Variants in EFCAB6 observed in about 807,000 individuals in gnomAD.
EFCAB6 encodes EF-hand calcium-binding domain-containing protein 6.
A neutral mutation model predicts 169.8 loss-of-function variants in EFCAB6; 156 were observed. The ratio of observed to expected loss-of-function variants is 0.92; its 90% CI spans 0.81 to 1.05. EFCAB6 has a LOEUF of 1.05. EFCAB6 is among the 50% of genes least tolerant of loss of function. EFCAB6 has a pLI of 0.00. For synonymous variants in EFCAB6, 698 were observed against 676.4 expected (o/e 1.03, Z -0.50); for missense variants, 1,800 against 1,829.1 (o/e 0.98, Z 0.29).
chr22:43,727,537 C>A (rs543137318), intron 8 of EFCAB6, among the ~76,000 whole-genome samples: 5 of 152,184 alleles, frequency 3.3e-5, no homozygotes, highest in African/African-American at 1.2e-4. Flanking sequence ...GACAGGAAAT[C>A]TCAGTGGAAC....
chr22:43,590,410 T>C (rs75148567), intron 23 of EFCAB6, among the ~76,000 whole-genome samples, 181 bp from the exon 24 acceptor site: 1 of 141,800 alleles, frequency 7.1e-6, no homozygotes, highest in South Asian at 2.3e-4. Context: ...AAATATTATG[T>C]CTGTATCATT....
chr22:43,597,490 A>G (rs1487273999), intron 23 of EFCAB6, among the ~76,000 whole-genome samples: 1 of 152,232 alleles, frequency 6.6e-6, no homozygotes, highest in East Asian at 1.9e-4. Flanking sequence ...GAGGTATGTG[A>G]AAAATGCTCA....
intron 6 of EFCAB6, among the ~76,000 whole-genome samples, chr22:43,746,916 C>T (rs746564600): frequency 6.6e-6 from 1 of 152,250 alleles, no homozygotes; most frequent in Non-Finnish European, 1.5e-5. Context: ...AGCTCACTCA[C>T]AGGACAGAGC....
At chr22:43,557,941 GATAAAATGGT>G (rs1602246457) in intron 26 of EFCAB6, among the ~76,000 whole-genome samples, 1 of 152,142 alleles carries the variant, frequency 6.6e-6, no homozygotes, top group East Asian at 1.9e-4. Flanking sequence ...AGCTATTCCT[GATAAAATGGT>G]ATAAAATAGA....
chr22:43,707,674 G>C (rs1299754869), intron 10 of EFCAB6, among the ~76,000 whole-genome samples: 2 of 152,016 alleles, frequency 1.3e-5, no homozygotes, highest in Non-Finnish European at 2.9e-5. Context: ...TAAAGAGTAG[G>C]GCAAAATGAA....
Position 43,537,424 on chromosome 22 carries a change from T to A in EFCAB6, c.4001A>T (p.Glu1334Val), listed in dbSNP as rs767922873. The A allele has an allele frequency of 6.2e-7, 1 of 1,614,114 alleles. No individual in the cohort carries two copies. The highest frequency in any genetic ancestry group is 1.1e-5 in the South Asian group (1 of 91,070). Reference protein sequence around the residue: ...CWRQLLKECKEKDVARQGDIN... With the variant: ...CWRQLLKECKVKDVARQGDIN... ...GTCCCCCTGTCTGGCCACGTCCTTC[T>A]CCTTGCATTCTTTCAGGAGCTGGCG... Residue 1334 changes from glutamate to valine, a missense_variant, in exon 29 of 32, where the codon GAG (glutamate) becomes GTG (valine). Glu to Val is a moderately radical substitution (Grantham distance 121). Transcript: ENST00000262726. This position sits in a 1 kb window ranked among gnomAD's most constrained non-coding sequence, Gnocchi z 4.3.
chr22:43,702,750 C>T (rs1378542413), intron 10 of EFCAB6, among the ~76,000 whole-genome samples: 3 of 152,156 alleles, frequency 2.0e-5, no homozygotes, highest in Admixed American at 6.5e-5. Context: ...CATCTAACTG[C>T]ATATCACACC....
At chr22:43,579,602 G>GCAGGCATCATTCCCTA (rs1367388063) in intron 25 of EFCAB6, among the ~76,000 whole-genome samples, 62 of 54,460 alleles carry the variant, frequency 1.1e-3, no homozygotes, top group South Asian at 1.6e-3. Context: ...ATCATTCCCT[G>GCAGGCATCATTCCCTA]CATGCAGGCA....
At chr22:43,700,048 A>G (rs2058711316) in intron 10 of EFCAB6, among the ~76,000 whole-genome samples, 1 of 152,178 alleles carries the variant, frequency 6.6e-6, no homozygotes, top group African/African-American at 2.4e-5. Context: ...TTTTATTTTT[A>G]ACAGATTTAT....
Position 43,537,479 on chromosome 22 carries a change from T to C in EFCAB6, c.3946A>G (p.Arg1316Gly). 6.2e-7 allele frequency: 1 copy of C among 1,614,138 alleles called. No individual in the cohort carries two copies. Among genetic ancestry groups the C allele is most frequent in the Non-Finnish European group, 8.5e-7 (1 of 1,180,016 alleles). Residue 1316 changes from arginine (R) to glycine (G), a missense_variant, in exon 29 of 32, where the codon AGG (arginine) becomes GGG (glycine). Arg to Gly is a moderately radical substitution (Grantham distance 125, BLOSUM62 -2). Transcript: ENST00000262726. This position sits in a 1 kb window ranked among gnomAD's most constrained non-coding sequence, Gnocchi z 4.3. ...CAGCCCTGGATTCTCTTCCGGAGCC[T>C]GCTCTCTATGGGATCACAGTTCTGC... Reference protein sequence around the residue: ...PLQNCDPIESRLRKRIQGCWR... With the variant: ...PLQNCDPIESGLRKRIQGCWR...
At position 43,795,905 on chromosome 22, in the gene EFCAB6, T is replaced by TACACCACACAC. The variant is rs1214611202; in HGVS notation, c.-8+13079_-8+13089dup. On this transcript the variant is annotated intron_variant, in intron 2 of 31. Coordinates refer to ENST00000262726, the MANE Select transcript of EFCAB6 (RefSeq NM_022785.4). This position sits in a 1 kb window ranked among gnomAD's most constrained non-coding sequence, Gnocchi z 4.2. ...ACACACAATACACACTCACCACACA[T>TACACCACACAC]ACACCACACACACACACACCCCTTC... 4.2e-5 allele frequency among the ~76,000 whole-genome samples: 6 copies of TACACCACACAC among 143,230 alleles called. No homozygotes were observed. The highest frequency in any genetic ancestry group is 7.9e-5 in the African/African-American group (3 of 37,780). The allele number at this position is 143,230 out of a possible 152,430, so 94.0% of individuals were successfully genotyped here.
intron 3 of EFCAB6, among the ~76,000 whole-genome samples, chr22:43,776,141 G>A (rs1209433904): frequency 1.3e-5 from 2 of 152,254 alleles, no homozygotes; most frequent in Non-Finnish European, 2.9e-5. Flanking sequence ...CCATCTGAAA[G>A]TTGAATACAT....
intron 13 of EFCAB6, 108 bp downstream of exon 13, chr22:43,677,887 TA>T: frequency 8.7e-7 from 1 of 1,152,152 alleles, no homozygotes; most frequent in Non-Finnish European, 1.2e-6. Flanking sequence ...TTGAAAACTG[TA>T]AAGTCGTTAA....
chr22:43,642,925 C>T (rs553733557), intron 17 of EFCAB6, among the ~76,000 whole-genome samples: 63 of 152,262 alleles, frequency 4.1e-4, no homozygotes, highest in Middle Eastern at 3.4e-3. Flanking sequence ...GGTCACAGGG[C>T]GCAGGGCATC....
chr22:43,798,057 C>T (rs1409092028), intron 2 of EFCAB6, among the ~76,000 whole-genome samples: 1 of 152,182 alleles, frequency 6.6e-6, no homozygotes, highest in East Asian at 1.9e-4. Context: ...ACTCCAGATT[C>T]CCATTCCAGT....
At chr22:43,692,910 A>G (rs2147198378) in intron 10 of EFCAB6, among the ~76,000 whole-genome samples, 1 of 152,338 alleles carries the variant, frequency 6.6e-6, no homozygotes, top group East Asian at 1.9e-4. Context: ...CAAGCATGAT[A>G]TACATGAAAA....
intron 12 of EFCAB6, among the ~76,000 whole-genome samples, chr22:43,679,392 G>A (rs2057912580): frequency 6.6e-6 from 1 of 152,120 alleles, no homozygotes; most frequent in South Asian, 2.1e-4. Flanking sequence ...GTTACAAGTT[G>A]GTGGACATTT....
At chr22:43,615,730 T>C in intron 21 of EFCAB6, 96 bp downstream of exon 21, 1 of 1,058,966 alleles carries the variant, frequency 9.4e-7, no homozygotes, top group African/African-American at 1.6e-5. Flanking sequence ...TGTTTTCCCA[T>C]CTTAGCGTCT....
intron 2 of EFCAB6, among the ~76,000 whole-genome samples, chr22:43,793,495 G>A (rs2062385504): frequency 2.0e-5 from 3 of 152,196 alleles, no homozygotes. Context: ...GGCCACTGCA[G>A]GCATTGGCTA....
Sources: allele counts gnomAD v4.1 joint callset (sites outside exome capture counted in the v4.1 genomes callset), GRCh38; gene constraint gnomAD v4.1.1; non-coding constraint Gnocchi (gnomAD v3.1); transcripts MANE v1.5; gene names NCBI Gene and HGNC (gene_info 2026-07-23, HGNC 2026-07-21).